VAV3: variants seen among roughly 807,000 people sequenced by gnomAD.
The protein encoded by VAV3 is vav guanine nucleotide exchange factor 3, also known as guanine nucleotide exchange factor VAV3.
VAV3 carries 94 observed loss-of-function variants against 131.2 expected under a neutral mutation model. The ratio of observed to expected loss-of-function variants is 0.72; its 90% confidence interval spans 0.61 to 0.85. The LOEUF is 0.85. VAV3 is among the 40% of genes least tolerant of loss of function. VAV3 has a pLI of 0.00. For missense variants in VAV3, 939 were observed against 1,002.7 expected, an observed-to-expected ratio of 0.94 and a Z score of 0.86; for synonymous variants, 349 against 342.0, an observed-to-expected ratio of 1.02 and a Z score of -0.22.
At chr1:107,865,961 C>A (rs1158320386) in intron 2 of VAV3, among the ~76,000 whole-genome samples, 1 of 152,008 alleles carries the variant, frequency 6.6e-6, no homozygotes, top group African/African-American at 2.4e-5. Flanking sequence ...GGGCACTCCA[C>A]CAGAAAAAGG....
At chr1:107,818,052 G>A (rs1011562954) in intron 2 of VAV3, among the ~76,000 whole-genome samples, 1 of 152,142 alleles carries the variant, frequency 6.6e-6, no homozygotes, top group Non-Finnish European at 1.5e-5. Context: ...GGCACATGGG[G>A]ACTCCTAACT....
chr1:107,575,869 T>C (rs972596617), intron 25 of VAV3, among the ~76,000 whole-genome samples: 3 of 152,186 alleles, frequency 2.0e-5, no homozygotes, highest in Non-Finnish European at 4.4e-5. Flanking sequence ...TAAATAGCCA[T>C]TAAACTCTCT....
At chr1:107,702,642 T>G (rs1570782417) in intron 17 of VAV3, among the ~76,000 whole-genome samples, 1 of 131,512 alleles carries the variant, frequency 7.6e-6, no homozygotes, top group East Asian at 2.2e-4. Context: ...AATGATTTCC[T>G]ATTGACTTTT....
intron 1 of VAV3, among the ~76,000 whole-genome samples, chr1:107,950,789 C>T (rs1339462662): frequency 6.6e-6 from 1 of 151,810 alleles, no homozygotes; most frequent in African/African-American, 2.4e-5. Context: ...ACCAGATGGA[C>T]CAGGAAAGGA....
chr1:107,933,759 TG>T (rs1158227912), intron 1 of VAV3, among the ~76,000 whole-genome samples: 1 of 141,172 alleles, frequency 7.1e-6, no homozygotes, highest in East Asian at 2.0e-4. Flanking sequence ...AAGGCTTCAG[TG>T]AGCCATGATT....
intron 2 of VAV3, among the ~76,000 whole-genome samples, chr1:107,856,188 C>T (rs1669459456): frequency 6.6e-6 from 1 of 152,140 alleles, no homozygotes; most frequent in Admixed American, 6.5e-5. Context: ...ATCTGGGATT[C>T]CCAAATACAA....
intron 1 of VAV3, among the ~76,000 whole-genome samples, chr1:107,915,703 G>A (rs1247017283): frequency 6.6e-6 from 1 of 152,188 alleles, no homozygotes; most frequent in African/African-American, 2.4e-5. Flanking sequence ...ATTCTCCAGT[G>A]CAAACCCAGA....
intron 1 of VAV3, among the ~76,000 whole-genome samples, chr1:107,894,614 ACT>A (rs1671480091): frequency 6.6e-6 from 1 of 152,156 alleles, no homozygotes; most frequent in African/African-American, 2.4e-5. Flanking sequence ...TGGTTACATT[ACT>A]CTCTCTATAA....
intron 2 of VAV3, among the ~76,000 whole-genome samples, chr1:107,822,659 A>T (rs1001620140): frequency 0.01 from 2 of 198 alleles, no homozygotes; most frequent in African/African-American, 0.01. Context: ...TCTCAAAAAA[A>T]ATAAATAAAT....
At chr1:107,727,781 A>G (rs1157594567) in intron 15 of VAV3, among the ~76,000 whole-genome samples, 3 of 152,144 alleles carry the variant, frequency 2.0e-5, no homozygotes, top group East Asian at 1.9e-4. Flanking sequence ...AAAACACTCA[A>G]TCCCTTACAC....
chr1:107,705,089 A>C (rs1288300173), intron 15 of VAV3, 28 bp from the exon 16 acceptor site: 1 of 1,554,360 alleles, frequency 6.4e-7, no homozygotes, highest in South Asian at 1.1e-5. Flanking sequence ...ATAACTTTCT[A>C]TAGAAAGTTT....
intron 1 of VAV3, among the ~76,000 whole-genome samples, chr1:107,907,367 C>T (rs1271609083): frequency 2.0e-5 from 3 of 152,188 alleles, no homozygotes; most frequent in African/African-American, 4.8e-5. Flanking sequence ...TTGACAATAT[C>T]GTAAGTGATA....
At chr1:107,832,638 T>C (rs1180559884) in intron 2 of VAV3, among the ~76,000 whole-genome samples, 2 of 152,210 alleles carry the variant, frequency 1.3e-5, no homozygotes, top group Non-Finnish European at 2.9e-5. Flanking sequence ...ATATCCAGGA[T>C]GTAGTATAAT....
chr1:107,962,876 T>C (rs764032445), intron 1 of VAV3, among the ~76,000 whole-genome samples: 43 of 152,344 alleles, frequency 2.8e-4, no homozygotes, highest in Non-Finnish European at 4.4e-4. Flanking sequence ...TAGCATAGTG[T>C]AATAATTCCT....
chr1:107,864,110 A>C (rs946292280), intron 2 of VAV3, among the ~76,000 whole-genome samples: 4 of 152,310 alleles, frequency 2.6e-5, no homozygotes, highest in Admixed American at 2.6e-4. Flanking sequence ...TTCAGAGAGG[A>C]TTACACAACT....
chr1:107,821,520 G>A (rs1041718088), intron 2 of VAV3, among the ~76,000 whole-genome samples: 1 of 152,196 alleles, frequency 6.6e-6, no homozygotes, highest in African/African-American at 2.4e-5. Flanking sequence ...TGAAGATCGT[G>A]AACAATCCAG....
chr1:107,879,657 A>T (rs185878397), intron 1 of VAV3, among the ~76,000 whole-genome samples: 1 of 152,180 alleles, frequency 6.6e-6, no homozygotes, highest in African/African-American at 2.4e-5. Context: ...GAGATATTTT[A>T]TGAGTCAGAA....
At chr1:107,777,109 G>C in intron 4 of VAV3, 122 bp downstream of exon 4, 1 of 853,006 alleles carries the variant, frequency 1.2e-6, no homozygotes, top group Non-Finnish European at 1.9e-6. Flanking sequence ...CCAGTTTAAG[G>C]TTAATCAGTA....
chr1:107,905,557 T>C (rs1481107010), intron 1 of VAV3, among the ~76,000 whole-genome samples: 3 of 152,188 alleles, frequency 2.0e-5, no homozygotes, highest in Non-Finnish European at 2.9e-5. Flanking sequence ...AGAATACTTT[T>C]TATGAATGAA....
Sources: gnomAD v4.1 joint callset for allele counts (sites outside exome capture counted in the v4.1 genomes callset) on GRCh38, gnomAD v4.1.1 for gene constraint, MANE v1.5 for transcripts, NCBI Gene and HGNC (gene_info 2026-07-23, HGNC 2026-07-21) for gene names.